Variants in CIB4 observed in about 807,000 individuals in gnomAD.
The protein encoded by CIB4 is calcium and integrin binding family member 4.
In CIB4, 25 loss-of-function variants were observed where a neutral mutation model predicts 25.8. The ratio of observed to expected loss-of-function variants is 0.97; its 90% CI spans 0.71 to 1.35. The LOEUF (loss-of-function observed/expected upper bound fraction) is 1.35. Ranked by LOEUF, CIB4 falls within the 40% of genes most tolerant of loss-of-function variation. The pLI, the probability that CIB4 is intolerant of heterozygous loss-of-function variation, is 0.00. For missense variants in CIB4, 235 were observed against 228.2 expected (o/e 1.03, Z -0.19); for synonymous variants, 75 against 81.4 (o/e 0.92, Z 0.42).
Position 26,627,204 on chromosome 2 carries a change from G to GTCACTGC in CIB4, c.186+2199_186+2205dup, listed in dbSNP as rs949117302. Among the ~76,000 whole-genome samples the GTCACTGC allele has an allele frequency of 1.3e-5, 2 of 152,168 alleles. No homozygotes were observed. The highest frequency in any genetic ancestry group is 1.3e-4 in the Admixed American group (2 of 15,284). On this transcript the variant is annotated intron_variant, in intron 3 of 6. Coordinates refer to ENST00000288861, the MANE Select transcript of CIB4 (RefSeq NM_001029881.3). The surrounding 1 kb of genome is among the most constrained non-coding windows in gnomAD (Gnocchi z 4.0). ...GGCACCTGGAAGACCCAGGCACATG[G>GTCACTGC]TCACTGCTCAGCCAAGCCTTGATTA...
intron 4 of CIB4, among the ~76,000 whole-genome samples, chr2:26,591,925 A>G (rs1012521196): frequency 2.5e-4 from 38 of 152,212 alleles, no homozygotes; most frequent in African/African-American, 8.7e-4. Flanking sequence ...TCATGAGCAG[A>G]TTCCCCCAGT....
chr2:26,641,159 T>A (rs1450119397), intron 1 of CIB4, 102 bp downstream of exon 1: 9 of 973,240 alleles, frequency 9.2e-6, no homozygotes, highest in African/African-American at 1.6e-5. Context: ...AGCCAAAAAT[T>A]GGACACCCCT....
chr2:26,633,615 C>T (rs1040419401), intron 2 of CIB4, among the ~76,000 whole-genome samples: 1 of 152,178 alleles, frequency 6.6e-6, no homozygotes, highest in Non-Finnish European at 1.5e-5. Flanking sequence ...GGCTGCATCT[C>T]GGCTGCCATA....
rs1212913911 is a variant in CIB4, at chr2:26,589,114, TTC to T, written c.329-5218_329-5217del. 8.7e-4 allele frequency among the ~76,000 whole-genome samples: 86 copies of T among 98,436 alleles called. 13 individuals are homozygous for T. The highest frequency in any genetic ancestry group is 4.6e-3 in the African/African-American group (83 of 18,148). 64.6% of individuals were successfully genotyped at this position (98,436 alleles called of 152,430 possible). The stretch of plus-strand genomic sequence containing the variant: ...CTTCTTCTTCTTCTTCTTCCTCTTC[TTC>T]TTCTTCTTCTTCTTCTTCTTCTTCT... On this transcript the variant is annotated intron_variant, in intron 4 of 6. Transcript: ENST00000288861.
In CIB4 at chr2:26,617,658, A is replaced by G. The variant is rs568878056; in HGVS notation, c.186+11752T>C. Among the ~76,000 whole-genome samples, 25 of 152,226 alleles carry G rather than the reference A, an allele frequency of 1.6e-4. No individual in the cohort carries two copies. In the East Asian group the frequency reaches 4.2e-3, roughly 26 times the overall value. On this transcript the variant is annotated intron_variant, in intron 3 of 6. Coordinates refer to ENST00000288861, the MANE Select transcript of CIB4 (RefSeq NM_001029881.3). Reference sequence around the variant, plus strand: ...CAGGGAGACTATCTGAGGGTGAGGGAGGGGCTCAGGGCAGTGGCCTAAATA... The same window carrying G: ...CAGGGAGACTATCTGAGGGTGAGGGGGGGGCTCAGGGCAGTGGCCTAAATA...
chr2:26,615,612 C>T (rs1034299118), intron 3 of CIB4, among the ~76,000 whole-genome samples: 9 of 152,186 alleles, frequency 5.9e-5, no homozygotes, highest in African/African-American at 1.9e-4. Flanking sequence ...AGGCTTTCCT[C>T]GCTACCTTCC....
chr2:26,597,666 GATATT>G (rs1236231674), intron 3 of CIB4, among the ~76,000 whole-genome samples: 2 of 152,036 alleles, frequency 1.3e-5, no homozygotes, highest in South Asian at 2.1e-4. Context: ...TTTTTATTTT[GATATT>G]ATATCAGATT....
intron 3 of CIB4, among the ~76,000 whole-genome samples, chr2:26,619,075 G>T (rs560244171): frequency 3.9e-5 from 6 of 152,318 alleles, no homozygotes; most frequent in African/African-American, 1.4e-4. Context: ...TGCACAACCC[G>T]CAGTAAAGGC....
chr2:26,640,482 G>A lies in CIB4; in HGVS notation c.89+51C>T, dbSNP rs762866630. The A allele has an allele frequency of 8.8e-6, 14 of 1,592,434 alleles. No individual in the cohort carries two copies. In the South Asian group the frequency reaches 1.6e-4, roughly 18 times the overall value. Reference sequence around the variant, plus strand: ...GAGGCTGTATTAGGGCAAGAATCCAGCTCAGAGGGAGGAGCTGGGAGAAGG... The same window carrying A: ...GAGGCTGTATTAGGGCAAGAATCCAACTCAGAGGGAGGAGCTGGGAGAAGG... On this transcript the variant is annotated intron_variant, in intron 2 of 6. Coordinates refer to ENST00000288861, the MANE Select transcript of CIB4 (RefSeq NM_001029881.3).
chr2:26,629,547 A>T (rs561773229), intron 2 of CIB4, 41 bp from the exon 3 acceptor site: 1 of 1,359,468 alleles, frequency 7.4e-7, no homozygotes, highest in Admixed American at 2.0e-5. Context: ...CGGGGAAAGG[A>T]GGCCAGCACT....
chr2:26,625,664 C>A (rs554599674), intron 3 of CIB4, among the ~76,000 whole-genome samples: 3 of 152,274 alleles, frequency 2.0e-5, no homozygotes, highest in South Asian at 4.1e-4. Context: ...GGAAAACAGG[C>A]TCCACCCCCC....
chr2:26,629,965 C>A (rs555796875), intron 2 of CIB4, among the ~76,000 whole-genome samples: 2 of 152,292 alleles, frequency 1.3e-5, no homozygotes, highest in African/African-American at 4.8e-5. Context: ...GAGGTCACTT[C>A]GTGGGTCTGA....
At chr2:26,634,203 C>T (rs1303563339) in intron 2 of CIB4, among the ~76,000 whole-genome samples, 1 of 152,180 alleles carries the variant, frequency 6.6e-6, no homozygotes, top group Non-Finnish European at 1.5e-5. Context: ...ACATGACAAA[C>T]CCGAATTCCC....
At chr2:26,628,377 C>T (rs193051013) in intron 3 of CIB4, among the ~76,000 whole-genome samples, 2 of 152,256 alleles carry the variant, frequency 1.3e-5, no homozygotes, top group East Asian at 3.9e-4. Flanking sequence ...CACTCCCAGC[C>T]TCCCCCCACT....
At chr2:26,594,534 G>A (rs1668643449) in intron 4 of CIB4, among the ~76,000 whole-genome samples, 1 of 152,210 alleles carries the variant, frequency 6.6e-6, no homozygotes, top group African/African-American at 2.4e-5. Context: ...GGGCCAAAAA[G>A]TTATCAGGAT....
chr2:26,612,233 TC>T (rs1669008418), intron 3 of CIB4, among the ~76,000 whole-genome samples: 1 of 152,170 alleles, frequency 6.6e-6, no homozygotes, highest in African/African-American at 2.4e-5. Flanking sequence ...TGCACTCTTC[TC>T]CTGTAAGGCC....
chr2:26,584,379 G>C (rs902039891), intron 4 of CIB4, among the ~76,000 whole-genome samples: 1 of 152,066 alleles, frequency 6.6e-6, no homozygotes, highest in Non-Finnish European at 1.5e-5. Flanking sequence ...TGGAGCAGAG[G>C]GTGGCCTGGA....
intron 6 of CIB4, 79 bp from the exon 7 acceptor site, chr2:26,581,472 G>A: frequency 1.4e-6 from 2 of 1,406,556 alleles, no homozygotes; most frequent in South Asian, 1.2e-5. Flanking sequence ...CAGTAGTCCT[G>A]GAGGCTCCCT....
Position 26,581,390 on chromosome 2 carries a change from G to A in CIB4, c.531C>T (p.Ser177=), listed in dbSNP as rs1668335082. The A allele has an allele frequency of 6.2e-7, 1 of 1,613,722 alleles. No individual in the cohort carries two copies. The change falls in exon 7 of 7, where the codon TCC becomes TCT. Residue 177 remains serine (S), a synonymous_variant. Transcript: ENST00000288861. ...AMAKSPDFMN[S]FRIHFWGC ...AGCATCCCCAGAAGTGAATCCGAAA[G>A]GAGCTGAAAGAAAGAATCCCGTGAG...
Sources: gnomAD v4.1 joint callset for allele counts (sites outside exome capture counted in the v4.1 genomes callset) on GRCh38, gnomAD v4.1.1 for gene constraint, Gnocchi (gnomAD v3.1) non-coding constraint, MANE v1.5 for transcripts, NCBI Gene and HGNC (gene_info 2026-07-23, HGNC 2026-07-21) for gene names.